Variants in OR5V1 observed in about 807,000 individuals in gnomAD.
OR5V1 encodes the protein olfactory receptor family 5 subfamily V member 1, also known as olfactory receptor 5V1.
For synonymous variants in OR5V1, 134 were observed against 143.2 expected, an observed-to-expected ratio of 0.94 and a Z score of 0.46; for missense variants, 365 against 371.5, an observed-to-expected ratio of 0.98 and a Z score of 0.14.
chr6:29,362,906 A>C (rs1205414712), intron 1 of OR5V1, among the ~76,000 whole-genome samples: 3 of 152,304 alleles, frequency 2.0e-5, no homozygotes, highest in East Asian at 3.9e-4. Flanking sequence ...AGCAAGAGCA[A>C]ACACATTCAA....
chr6:29,365,084 T>C (rs9257788), intron 1 of OR5V1, among the ~76,000 whole-genome samples: 2,774 of 151,802 alleles, frequency 0.018, 37 homozygotes, highest in East Asian at 0.032. Context: ...GCTGGGAAAA[T>C]TGGCTAGCCA....
At chr6:29,362,040 C>G (rs959591476) in intron 1 of OR5V1, among the ~76,000 whole-genome samples, 1 of 151,958 alleles carries the variant, frequency 6.6e-6, no homozygotes, top group African/African-American at 2.4e-5. Context: ...TCAGGAGACC[C>G]ATCTCATGTG....
chr6:29,363,903 T>TCTCA (rs2151278563), intron 1 of OR5V1, among the ~76,000 whole-genome samples: 2 of 152,304 alleles, frequency 1.3e-5, no homozygotes, highest in African/African-American at 4.8e-5. Context: ...GGATGCCCTC[T>TCTCA]CTCACCACTC....
chr6:29,360,740 A>G (rs1354426648), intron 1 of OR5V1, among the ~76,000 whole-genome samples: 9 of 152,164 alleles, frequency 5.9e-5, no homozygotes. Context: ...AACATCAACA[A>G]AAAGGACCCC....
rs754275632 is a variant in OR5V1 at position 29,355,553 on chromosome 6, C to T, written c.643G>A (p.Val215Ile). The change falls in exon 2 of 2, where the codon GTA becomes ATA. Residue 215 changes from valine (V) to isoleucine (I), a missense_variant. Physicochemically the swap from Val to Ile is conservative, Grantham distance 29. Transcript: ENST00000641768. ...FIGWTPFLCI[V>I]LSYICIISTI... ...GAGATTATGCAAATGTAGGAAAGTA[C>T]GATACAAAGGAAAGGAGTCCAACCA... 8.1e-6 allele frequency: 13 copies of T among 1,613,770 alleles called. No individual in the cohort carries two copies. Among genetic ancestry groups the T allele is most frequent in the African/African-American group, 1.3e-5 (1 of 74,876 alleles).
intron 1 of OR5V1, among the ~76,000 whole-genome samples, chr6:29,363,313 T>TA (rs1210750171): frequency 5.3e-5 from 8 of 151,934 alleles, no homozygotes; most frequent in Non-Finnish European, 7.4e-5. Context: ...ATTAGTAGCC[T>TA]AAAAAAACAA....
chr6:29,363,534 G>A (rs1190884964), intron 1 of OR5V1, among the ~76,000 whole-genome samples: 1 of 152,046 alleles, frequency 6.6e-6, no homozygotes, highest in Non-Finnish European at 1.5e-5. Context: ...AATGAACCTC[G>A]ATGCAAAAAT....
At position 29,354,305 on chromosome 6, in the gene OR5V1, C is replaced by T. The variant is rs1778150063; in HGVS notation, c.*925G>A. ...TTATTTCTCTCTTCCACCACTTAGT[C>T]TTCCTTCCCATTTGTCTTGACTTCA... is the stretch of plus-strand genomic sequence containing the variant. On this transcript the variant is annotated 3_prime_UTR_variant, in exon 2 of 2. Coordinates refer to ENST00000641768, the MANE Select transcript of OR5V1 (RefSeq NM_030876.6). 1 of 152,020 alleles carries T rather than the reference C, an allele frequency of 6.6e-6. No homozygotes were observed. The highest frequency in any genetic ancestry group is 1.5e-5 in the Non-Finnish European group (1 of 67,958). 9.4% of individuals were successfully genotyped at this position (152,020 alleles called of 1,614,324 possible).
chr6:29,355,687 C>G lies in OR5V1; in HGVS notation c.509G>C (p.Gly170Ala). The change falls in exon 2 of 2, where the codon GGC (glycine) becomes GCC (alanine). Residue 170 changes from glycine (G) to alanine (A), a missense_variant. Physicochemically the swap from Gly to Ala is moderately conservative, Grantham distance 60. Coordinates refer to ENST00000641768, the MANE Select transcript of OR5V1 (RefSeq NM_030876.6). ...GAAGAAGTAATTAATCTGATTGTTG[C>G]CACAGAAGGGCAGGCAGAATGTCAA... ...TVLTFCLPFCGNNQINYFFCD... is the reference protein window; with the variant it reads ...TVLTFCLPFCANNQINYFFCD... The G allele has an allele frequency of 6.2e-7, 1 of 1,614,016 alleles. No homozygotes were observed. Among genetic ancestry groups the G allele is most frequent in the Non-Finnish European group, 8.5e-7 (1 of 1,179,938 alleles).
chr6:29,364,470 AAG>A (rs1351441319), intron 1 of OR5V1, among the ~76,000 whole-genome samples: 3 of 150,766 alleles, frequency 2.0e-5, no homozygotes, highest in Non-Finnish European at 3.0e-5. Flanking sequence ...GAACCAAAAA[AAG>A]AGCCCGTATA....
chr6:29,360,783 C>A (rs9501674), intron 1 of OR5V1, among the ~76,000 whole-genome samples: 30 of 152,268 alleles, frequency 2.0e-4, no homozygotes, highest in African/African-American at 7.0e-4. Flanking sequence ...TCATCAACCT[C>A]AAAGATCAAA....
At chr6:29,357,707 A>G (rs1468904530) in intron 1 of OR5V1, among the ~76,000 whole-genome samples, 1 of 152,110 alleles carries the variant, frequency 6.6e-6, no homozygotes, top group African/African-American at 2.4e-5. Context: ...ATTAATTTAA[A>G]TGTTCATGTT....
At chr6:29,367,794 C>T (rs1778924995) in intron 1 of OR5V1, among the ~76,000 whole-genome samples, 2 of 152,138 alleles carry the variant, frequency 1.3e-5, no homozygotes, top group Non-Finnish European at 2.9e-5. Context: ...GAATAGAATT[C>T]ACCACGCAAA....
At chr6:29,361,765 C>T (rs1305148110) in intron 1 of OR5V1, among the ~76,000 whole-genome samples, 1 of 151,934 alleles carries the variant, frequency 6.6e-6, no homozygotes, top group Non-Finnish European at 1.5e-5. Context: ...GCCTGCTTTA[C>T]AAGAGCTCCT....
At chr6:29,357,414 G>A (rs7357044) in intron 1 of OR5V1, among the ~76,000 whole-genome samples, 2,774 of 152,236 alleles carry the variant, frequency 0.018, 37 homozygotes, top group East Asian at 0.032. Context: ...TATACTTTCA[G>A]TTGAGTGGCT....
chr6:29,355,650 G>A lies in OR5V1; in HGVS notation c.546C>T (p.Pro182=). The A allele has an allele frequency of 6.2e-7, 1 of 1,613,998 alleles. No individual in the cohort carries two copies. Among genetic ancestry groups the A allele is most frequent in the Admixed American group, 1.7e-5 (1 of 59,984 alleles). Residue 182 remains proline, a synonymous_variant, in exon 2 of 2, where the codon CCC becomes CCT. Coordinates refer to ENST00000641768, the MANE Select transcript of OR5V1 (RefSeq NM_030876.6). The part of the protein sequence containing the change: ...NQINYFFCDI[P]PLLILSCGNT... ...TTCCACAAGACAAGATCAGCAAAGG[G>A]GGGATGTCACAGAAGAAGTAATTAA...
At chr6:29,363,257 C>A (rs769798861) in intron 1 of OR5V1, among the ~76,000 whole-genome samples, 1 of 152,142 alleles carries the variant, frequency 6.6e-6, no homozygotes, top group Admixed American at 6.5e-5. Flanking sequence ...AGGAAGAAGT[C>A]GAATCCCTGA....
chr6:29,365,400 A>G (rs760020567), intron 1 of OR5V1, among the ~76,000 whole-genome samples: 1 of 152,120 alleles, frequency 6.6e-6, no homozygotes, highest in Non-Finnish European at 1.5e-5. Flanking sequence ...TTGGCTATCT[A>G]TCCATCTGGC....
chr6:29,366,325 T>TTA (rs1554318628), intron 1 of OR5V1, among the ~76,000 whole-genome samples: 2 of 125,696 alleles, frequency 1.6e-5, no homozygotes, highest in Admixed American at 8.4e-5. Flanking sequence ...TAAAGTATAT[T>TTA]AAAAAAAAAA....
Sources: gnomAD v4.1 joint callset for allele counts (sites outside exome capture counted in the v4.1 genomes callset) on GRCh38, gnomAD v4.1.1 for gene constraint, MANE v1.5 for transcripts, NCBI Gene and HGNC (gene_info 2026-07-23, HGNC 2026-07-21) for gene names.